CNTNAP5: variants seen among roughly 807,000 people sequenced by gnomAD.
The protein encoded by CNTNAP5 is contactin associated protein family member 5.
A neutral mutation model predicts 150.2 loss-of-function variants in CNTNAP5; 72 were observed. The ratio of observed to expected loss-of-function variants is 0.48; its 90% CI spans 0.40 to 0.58. CNTNAP5 has a LOEUF of 0.58. CNTNAP5 is among the 20% of genes least tolerant of loss of function. CNTNAP5 has a pLI of 0.00. For missense variants in CNTNAP5, 1,636 were observed against 1,626.2 expected (o/e 1.01, Z -0.10); for synonymous variants, 672 against 619.8 (o/e 1.08, Z -1.25).
At position 124,798,240 on chromosome 2, in the gene CNTNAP5, T is replaced by G; in HGVS notation, c.3137T>G (p.Val1046Gly). ...PSKENIALSFVTTQAPSLLLF... is the reference protein window; with the variant it reads ...PSKENIALSFGTTQAPSLLLF... ...AAGGAAAACATTGCACTTAGCTTTG[T>G]GACAACCCAGGCACCCAGTCTTTTG... Residue 1046 changes from valine (V) to glycine (G), a missense_variant, in exon 19 of 24, where the codon GTG becomes GGG. By Grantham distance (109) the Val-to-Gly change is moderately radical (BLOSUM62 -3). Transcript: ENST00000682447. 6.2e-7 allele frequency: 1 copy of G among 1,613,996 alleles called. No homozygotes were observed. The highest frequency in any genetic ancestry group is 8.5e-7 in the Non-Finnish European group (1 of 1,179,852).
chr2:124,401,561 C>T (rs939760145), intron 3 of CNTNAP5, among the ~76,000 whole-genome samples: 2 of 152,304 alleles, frequency 1.3e-5, no homozygotes, highest in Admixed American at 6.5e-5. Flanking sequence ...TTGTTAAAGC[C>T]ATAAATAGGC....
chr2:124,777,214 C>A (rs1033859364), intron 17 of CNTNAP5, among the ~76,000 whole-genome samples: 1 of 151,380 alleles, frequency 6.6e-6, no homozygotes, highest in Non-Finnish European at 1.5e-5. Context: ...AAATCAGGTT[C>A]TTGTAGCTTG....
At chr2:124,659,471 C>T (rs1356508346) in intron 13 of CNTNAP5, among the ~76,000 whole-genome samples, 4 of 152,088 alleles carry the variant, frequency 2.6e-5, no homozygotes, top group Non-Finnish European at 4.4e-5. Context: ...CCCCACTCTG[C>T]CACTTATTTT....
At chr2:124,512,567 C>T (rs1694616207) in intron 8 of CNTNAP5, among the ~76,000 whole-genome samples, 1 of 152,092 alleles carries the variant, frequency 6.6e-6, no homozygotes, top group Non-Finnish European at 1.5e-5. Context: ...ATAGTCAAGG[C>T]AAATGGCTTA....
intron 13 of CNTNAP5, among the ~76,000 whole-genome samples, chr2:124,661,876 A>G (rs1678599736): frequency 6.6e-6 from 1 of 151,944 alleles, no homozygotes; most frequent in Admixed American, 6.6e-5. Context: ...TTTAATATAT[A>G]TATTATACTT....
At position 124,170,279 on chromosome 2, in the gene CNTNAP5, G is replaced by A. The variant is rs569816744; in HGVS notation, c.83-51426G>A. Among the ~76,000 whole-genome samples the A allele has an allele frequency of 2.6e-4, 40 of 151,810 alleles. No homozygotes were observed. In the East Asian group the frequency reaches 7.4e-3, roughly 28 times the overall value. ...TTTTGTTTTTGTTTTTCCTGAAAGGGCATTGGGTTGACTTCTGCTTCAGTC... is the reference window on the plus strand; with the variant it reads ...TTTTGTTTTTGTTTTTCCTGAAAGGACATTGGGTTGACTTCTGCTTCAGTC... On this transcript the variant is annotated intron_variant, in intron 1 of 23. Coordinates refer to ENST00000682447, the MANE Select transcript of CNTNAP5 (RefSeq NM_001367498.1).
At chr2:124,037,236 A>G (rs186658840) in intron 1 of CNTNAP5, among the ~76,000 whole-genome samples, 2 of 152,302 alleles carry the variant, frequency 1.3e-5, no homozygotes, top group African/African-American at 4.8e-5. Context: ...TGTGGATTCC[A>G]TGATCACTGC....
intron 1 of CNTNAP5, among the ~76,000 whole-genome samples, chr2:124,154,517 A>T (rs1037463047): frequency 6.6e-6 from 1 of 152,150 alleles, no homozygotes; most frequent in Non-Finnish European, 1.5e-5. Flanking sequence ...GTTCTTGGGT[A>T]GAGGGATGCA....
At chr2:124,451,406 G>C (rs143513987) in intron 6 of CNTNAP5, among the ~76,000 whole-genome samples, 1 of 151,860 alleles carries the variant, frequency 6.6e-6, no homozygotes, top group African/African-American at 2.4e-5. Context: ...TTGGAACTAA[G>C]ATATATAAAA....
intron 10 of CNTNAP5, among the ~76,000 whole-genome samples, chr2:124,531,187 C>T (rs1695098142): frequency 6.6e-6 from 1 of 151,934 alleles, no homozygotes; most frequent in South Asian, 2.1e-4. Flanking sequence ...ACCTGGATCC[C>T]TCACATGCAC....
intron 3 of CNTNAP5, among the ~76,000 whole-genome samples, chr2:124,304,301 G>A (rs1444965106): frequency 6.6e-6 from 1 of 152,134 alleles, no homozygotes; most frequent in African/African-American, 2.4e-5. Flanking sequence ...ACCTAGGGCT[G>A]GGGACCAAGA....
At chr2:124,422,525 C>T (rs1692130837) in intron 4 of CNTNAP5, among the ~76,000 whole-genome samples, 1 of 152,152 alleles carries the variant, frequency 6.6e-6, no homozygotes, top group South Asian at 2.1e-4. Context: ...CATCTGCTTC[C>T]CCTGACTCGA....
At chr2:124,766,073 A>C (rs945168168) in intron 16 of CNTNAP5, among the ~76,000 whole-genome samples, 16 of 152,286 alleles carry the variant, frequency 1.1e-4, no homozygotes, top group African/African-American at 3.9e-4. Context: ...CATTGCTTAG[A>C]ATTACTTGTG....
In CNTNAP5 at chr2:124,498,016, TC is replaced by T. The variant is rs111472086; in HGVS notation, c.1063-6275del. ...CTGCCATGACACTCCTGTCCATCAG[TC>T]ATGAGATGATCATGGTAATTACACT... On this transcript the variant is annotated intron_variant, in intron 7 of 23. Transcript: ENST00000682447. 2.3e-4 allele frequency among the ~76,000 whole-genome samples: 35 copies of T among 152,358 alleles called. 2 individuals carry two copies. Among genetic ancestry groups the T allele is most frequent in the African/African-American group, 7.9e-4 (33 of 41,584 alleles).
At position 124,882,156 on chromosome 2, in the gene CNTNAP5, G is replaced by A. The variant is rs138990755; in HGVS notation, c.3436+12394G>A. On this transcript the variant is annotated intron_variant, in intron 21 of 23. Transcript: ENST00000682447. ...GGACCCAGGGCTTTGAATGCCAGAT[G>A]AACAACTGAGTTTCATGCTTTGCCT... 3.0e-3 allele frequency among the ~76,000 whole-genome samples: 452 copies of A among 152,184 alleles called. 2 individuals are homozygous for A. The highest frequency in any genetic ancestry group is 0.01 in the African/African-American group (430 of 41,514).
intron 1 of CNTNAP5, among the ~76,000 whole-genome samples, chr2:124,163,435 G>A (rs1305026303): frequency 2.6e-5 from 4 of 152,150 alleles, no homozygotes; most frequent in African/African-American, 9.7e-5. Context: ...TACTGCAAAT[G>A]TCAAGATGGG....
chr2:124,277,590 A>G (rs760110041), intron 3 of CNTNAP5, among the ~76,000 whole-genome samples: 9 of 152,156 alleles, frequency 5.9e-5, no homozygotes, highest in Non-Finnish European at 8.8e-5. Context: ...ACTAAATACT[A>G]CCATTTTACA....
In CNTNAP5 at chr2:124,527,367, T is replaced by C. The variant is rs754076077; in HGVS notation, c.1560T>C (p.Asp520=). The change falls in exon 10 of 24, where the codon GAT becomes GAC. Residue 520 remains aspartate, a synonymous_variant. Transcript: ENST00000682447. The stretch of plus-strand genomic sequence containing the variant: ...GCTGCATGAGGCTCATCTTTATTGA[T>C]AACCAGCCCAAGGACCTCATTTCAG... ...FQGCMRLIFI[D]NQPKDLISVQ... 8 of 1,613,628 alleles carry C rather than the reference T, an allele frequency of 5.0e-6. No individual in the cohort carries two copies. Among genetic ancestry groups the C allele is most frequent in the African/African-American group, 1.3e-5 (1 of 75,038 alleles).
chr2:124,816,861 T>G (rs954904241), intron 19 of CNTNAP5, among the ~76,000 whole-genome samples: 4 of 152,154 alleles, frequency 2.6e-5, no homozygotes, highest in African/African-American at 9.7e-5. Flanking sequence ...AGAGAGGATA[T>G]TCTATCACTT....
Sources: gnomAD v4.1 joint callset for allele counts (sites outside exome capture counted in the v4.1 genomes callset) on GRCh38, gnomAD v4.1.1 for gene constraint, MANE v1.5 for transcripts, NCBI Gene and HGNC (gene_info 2026-07-23, HGNC 2026-07-21) for gene names.